The following PMEPA1 variants were observed in gnomAD, a reference collection of about 807,000 sequenced individuals.
PMEPA1 encodes protein TMEPAI.
PMEPA1 carries 11 observed loss-of-function variants against 23.0 expected under a neutral mutation model. The observed-to-expected ratio is 0.48, with a 90% confidence interval of 0.30 to 0.79. The LOEUF (loss-of-function observed/expected upper bound fraction) is 0.79, where lower values mean the gene tolerates loss of function less well. Ranked by LOEUF, PMEPA1 falls within the 30% of genes least tolerant of loss-of-function variation. The pLI, the probability that PMEPA1 is intolerant of heterozygous loss-of-function variation, is 0.06. For synonymous variants in PMEPA1, 204 were observed against 166.4 expected, an observed-to-expected ratio of 1.23 and a Z score of -1.74; for missense variants, 377 against 390.9, an observed-to-expected ratio of 0.96 and a Z score of 0.30.
chr20:57,690,077 T>A (rs1301511653), intron 1 of PMEPA1, among the ~76,000 whole-genome samples: 1 of 152,224 alleles, frequency 6.6e-6, no homozygotes. Context: ...ATTTTATGGA[T>A]AAGGAGGACG....
chr20:57,652,945 C>G lies in PMEPA1; in HGVS notation c.318+88G>C, dbSNP rs574742818. ...CTGCAGAGGAGGGCGGAGGGGTGAGCCTTTAGCAGCCCACACTGTTCCAGC... is the reference window on the plus strand; with the variant it reads ...CTGCAGAGGAGGGCGGAGGGGTGAGGCTTTAGCAGCCCACACTGTTCCAGC... On this transcript the variant is annotated intron_variant, in intron 3 of 3. Transcript: ENST00000341744. The surrounding 1 kb of genome is among the most constrained non-coding windows in gnomAD (Gnocchi z 6.1). 2.3e-5 allele frequency: 26 copies of G among 1,125,278 alleles called. No homozygotes were observed. Among genetic ancestry groups the G allele is most frequent in the Non-Finnish European group, 3.4e-5 (26 of 760,232 alleles). 69.7% of individuals were successfully genotyped at this position (1,125,278 alleles called of 1,614,324 possible). A position where few individuals can be genotyped will look rare whatever the true frequency, so the allele number is the denominator to read the frequency against.
intron 1 of PMEPA1, among the ~76,000 whole-genome samples, chr20:57,703,670 T>C (rs1181471316): frequency 6.6e-6 from 1 of 152,250 alleles, no homozygotes; most frequent in East Asian, 1.9e-4. Flanking sequence ...TTCAAGGCCA[T>C]GGGCCCCAGA....
chr20:57,710,596 G>T (rs377137554), upstream of PMEPA1: 5 of 862,866 alleles, frequency 5.8e-6, no homozygotes, highest in Non-Finnish European at 3.5e-6. Context: ...GCGTAGACAC[G>T]CCCGGAAGCC....
At chr20:57,673,659 G>C (rs2071599402) in intron 1 of PMEPA1, among the ~76,000 whole-genome samples, 1 of 152,198 alleles carries the variant, frequency 6.6e-6, no homozygotes, top group African/African-American at 2.4e-5. Flanking sequence ...GGGACTCCCA[G>C]CTACAAGGAA....
At chr20:57,674,510 C>T (rs1392049829) in intron 1 of PMEPA1, among the ~76,000 whole-genome samples, 1 of 152,234 alleles carries the variant, frequency 6.6e-6, no homozygotes, top group Non-Finnish European at 1.5e-5. Flanking sequence ...ACAGAGGGGG[C>T]TGAACAGAGG....
chr20:57,702,798 C>A (rs140018867), intron 1 of PMEPA1, among the ~76,000 whole-genome samples: 8 of 152,314 alleles, frequency 5.3e-5, no homozygotes, highest in African/African-American at 1.9e-4. Flanking sequence ...GAGAAAAATG[C>A]GTCACTAATA....
intron 1 of PMEPA1, among the ~76,000 whole-genome samples, chr20:57,701,619 G>T (rs956924434): frequency 6.6e-6 from 1 of 152,124 alleles, no homozygotes; most frequent in Non-Finnish European, 1.5e-5. Context: ...GGAAACTTTG[G>T]AGCATTAAAA....
rs2071738947 is a variant in PMEPA1, at chr20:57,682,836, C to G, written c.110-23139G>C. Among the ~76,000 whole-genome samples the G allele has an allele frequency of 1.3e-5, 2 of 152,246 alleles. No individual in the cohort carries two copies. The highest frequency in any genetic ancestry group is 4.8e-5 in the African/African-American group (2 of 41,452). On this transcript the variant is annotated intron_variant, in intron 1 of 3. Coordinates refer to ENST00000341744, the MANE Select transcript of PMEPA1 (RefSeq NM_020182.5). The surrounding 1 kb of genome is among the most constrained non-coding windows in gnomAD (Gnocchi z 4.4). ...CAGGCCCCGCTGAAAAGGAAGGCGG[C>G]TCGCCAGATTTGTTTCGAATTATGA...
chr20:57,698,827 A>T (rs1192666845), intron 1 of PMEPA1, among the ~76,000 whole-genome samples: 1 of 152,156 alleles, frequency 6.6e-6, no homozygotes, highest in African/African-American at 2.4e-5. Flanking sequence ...ACACACACAC[A>T]CACAGACTTG....
chr20:57,693,403 A>T (rs1600667850), intron 1 of PMEPA1, among the ~76,000 whole-genome samples: 1 of 152,202 alleles, frequency 6.6e-6, no homozygotes, highest in Non-Finnish European at 1.5e-5. Flanking sequence ...ACCTGCATCC[A>T]GGAAGGTCTG....
rs2071237747 is a variant in PMEPA1, at chr20:57,651,983, CCTCTT to C, written c.*65_*69del. The stretch of plus-strand genomic sequence containing the variant: ...CTGCGCCCCCCGCCTTCCTCTCACT[CCTCTT>C]CTAAGAAGCGCGGAGTGTTCTGCCT... On this transcript the variant is annotated 3_prime_UTR_variant, in exon 4 of 4. Coordinates refer to ENST00000341744, the MANE Select transcript of PMEPA1 (RefSeq NM_020182.5). The C allele has an allele frequency of 1.5e-6, 2 of 1,343,680 alleles. No individual in the cohort carries two copies. Among genetic ancestry groups the C allele is most frequent in the Non-Finnish European group, 2.0e-6 (2 of 1,010,204 alleles). The allele number at this position is 1,343,680 out of a possible 1,614,324, so 83.2% of individuals were successfully genotyped here. A position where few individuals can be genotyped will look rare whatever the true frequency, so the allele number is the denominator to read the frequency against.
chr20:57,698,172 T>C (rs1031322957), intron 1 of PMEPA1, among the ~76,000 whole-genome samples: 9 of 152,148 alleles, frequency 5.9e-5, no homozygotes, highest in South Asian at 4.2e-4. Flanking sequence ...ACACCCGAGA[T>C]AGGAGTGCAT....
chr20:57,690,434 G>A lies in PMEPA1; in HGVS notation c.109+19040C>T, dbSNP rs1218543429. On this transcript the variant is annotated intron_variant, in intron 1 of 3. Coordinates refer to ENST00000341744, the MANE Select transcript of PMEPA1 (RefSeq NM_020182.5). ...TTGCAGGCATTTTGACTTTTCGCCTGTCATTTATCAAATTCTTTGAATTTT... is the reference window on the plus strand; with the variant it reads ...TTGCAGGCATTTTGACTTTTCGCCTATCATTTATCAAATTCTTTGAATTTT... 7 of 1,304,074 alleles carry A rather than the reference G, an allele frequency of 5.4e-6. No individual in the cohort carries two copies. The South Asian group carries it at 7.4e-5, about 14-fold the overall frequency. 80.8% of individuals were successfully genotyped at this position (1,304,074 alleles called of 1,614,324 possible).
intron 1 of PMEPA1, among the ~76,000 whole-genome samples, chr20:57,663,423 G>A (rs921316008): frequency 2.0e-5 from 3 of 152,070 alleles, no homozygotes; most frequent in Non-Finnish European, 4.4e-5. Flanking sequence ...GCGGGGGGAC[G>A]GTGGGCAGCA....
intron 1 of PMEPA1, among the ~76,000 whole-genome samples, chr20:57,708,868 G>A (rs1449969682): frequency 5.9e-5 from 9 of 151,936 alleles, no homozygotes; most frequent in Admixed American, 5.9e-4. Flanking sequence ...CACAGAGAGA[G>A]GCAGGAAGAC....
At chr20:57,677,672 T>TG (rs2071656723) in intron 1 of PMEPA1, among the ~76,000 whole-genome samples, 1 of 152,226 alleles carries the variant, frequency 6.6e-6, no homozygotes, top group Non-Finnish European at 1.5e-5. Context: ...ATTGCACTCC[T>TG]GGGCATTTAT....
chr20:57,652,065 T>TC lies in PMEPA1; in HGVS notation c.851dup (p.His285ThrfsTer55). 6.7e-7 allele frequency: 1 copy of TC among 1,503,492 alleles called. No homozygotes were observed. Among genetic ancestry groups the TC allele is most frequent in the Non-Finnish European group, 8.9e-7 (1 of 1,120,888 alleles). The allele number at this position is 1,503,492 out of a possible 1,614,324, so 93.1% of individuals were successfully genotyped here. ...CCCCCTGGGGACCCTAGAGAGGGTGTCCTTTCTGTTTATCCTTCTCTTTGC... is the reference window on the plus strand; with the variant it reads ...CCCCCTGGGGACCCTAGAGAGGGTGTCCCTTTCTGTTTATCCTTCTCTTTGC... On this transcript the variant is annotated frameshift_variant, in exon 4 of 4. Transcript: ENST00000341744. LOFTEE classifies it high-confidence loss of function. The surrounding 1 kb of genome is among the most constrained non-coding windows in gnomAD (Gnocchi z 6.1).
At position 57,651,869 on chromosome 20, in the gene PMEPA1, A is replaced by G. The variant is rs2071235597; in HGVS notation, c.*184T>C. 1 of 402,188 alleles carries G rather than the reference A, an allele frequency of 2.5e-6. No individual in the cohort carries two copies. Among genetic ancestry groups the G allele is most frequent in the Non-Finnish European group, 4.3e-6 (1 of 233,856 alleles). The allele number at this position is 402,188 out of a possible 1,614,324, so 24.9% of individuals were successfully genotyped here. A position where few individuals can be genotyped will look rare whatever the true frequency, so the allele number is the denominator to read the frequency against. On this transcript the variant is annotated 3_prime_UTR_variant, in exon 4 of 4. Coordinates refer to ENST00000341744, the MANE Select transcript of PMEPA1 (RefSeq NM_020182.5). The stretch of plus-strand genomic sequence containing the variant: ...TTTCTTTTTTCTTTTTTTTTTTGCA[A>G]GCTCTCTTAGCTTGTGCATTCAGAC...
At position 57,656,297 on chromosome 20, in the gene PMEPA1, T is replaced by C. The variant is rs927641716; in HGVS notation, c.265-3211A>G. 2.6e-5 allele frequency among the ~76,000 whole-genome samples: 4 copies of C among 151,212 alleles called. No homozygotes were observed. Among genetic ancestry groups the C allele is most frequent in the Non-Finnish European group, 5.9e-5 (4 of 67,696 alleles). ...GTCTTTGGCTCCCGCTGCTGGCAGATTGTCGCACATTGGCCTGGCCACAGT... is the reference window on the plus strand; with the variant it reads ...GTCTTTGGCTCCCGCTGCTGGCAGACTGTCGCACATTGGCCTGGCCACAGT... On this transcript the variant is annotated intron_variant, in intron 2 of 3. Transcript: ENST00000341744. The surrounding 1 kb of genome is among the most constrained non-coding windows in gnomAD (Gnocchi z 4.7).
Sources: gnomAD v4.1 joint callset for allele counts (sites outside exome capture counted in the v4.1 genomes callset) on GRCh38, gnomAD v4.1.1 for gene constraint, Gnocchi (gnomAD v3.1) non-coding constraint, MANE v1.5 for transcripts, NCBI Gene and HGNC (gene_info 2026-07-23, HGNC 2026-07-21) for gene names.